The following GPC6 variants were observed in gnomAD, a reference collection of about 807,000 sequenced individuals.
GPC6 encodes glypican-6.
GPC6 carries 14 observed loss-of-function variants against 55.2 expected under a neutral mutation model. That is an observed-to-expected ratio of 0.25 (90% CI 0.17 to 0.40). The LOEUF is 0.40. GPC6 is among the 10% of genes least tolerant of loss of function. The pLI is 1.00. For synonymous variants in GPC6, 278 were observed against 259.6 expected (o/e 1.07, Z -0.68); for missense variants, 641 against 708.5 (o/e 0.90, Z 1.08).
At chr13:94,195,274 C>T (rs1008693283) in intron 4 of GPC6, among the ~76,000 whole-genome samples, 2 of 152,140 alleles carry the variant, frequency 1.3e-5, no homozygotes, top group Non-Finnish European at 2.9e-5. Flanking sequence ...TAAGACCTTT[C>T]CCCTTAACCA....
chr13:93,720,744 C>G (rs1290661873), intron 2 of GPC6, among the ~76,000 whole-genome samples: 1 of 151,892 alleles, frequency 6.6e-6, no homozygotes, highest in Non-Finnish European at 1.5e-5. Flanking sequence ...TAGCTGTGTC[C>G]CAAATATTCT....
chr13:93,910,077 GTGTC>G, intron 3 of GPC6, among the ~76,000 whole-genome samples: 1 of 152,162 alleles, frequency 6.6e-6, no homozygotes, highest in South Asian at 2.1e-4. Flanking sequence ...GTGTGTGTGT[GTGTC>G]TTTGTGGCTG....
At chr13:93,299,877 A>G (rs1878614649) in intron 1 of GPC6, among the ~76,000 whole-genome samples, 1 of 152,236 alleles carries the variant, frequency 6.6e-6, no homozygotes, top group African/African-American at 2.4e-5. Context: ...CTAAGCAGAT[A>G]TTGCATCATA....
chr13:94,126,479 A>C (rs1409514047), intron 4 of GPC6, among the ~76,000 whole-genome samples: 1 of 152,172 alleles, frequency 6.6e-6, no homozygotes, highest in African/African-American at 2.4e-5. Flanking sequence ...TAAAAAAGTG[A>C]ATATGAAAGT....
intron 4 of GPC6, among the ~76,000 whole-genome samples, chr13:94,076,942 GAT>G (rs1246638062): frequency 7.0e-6 from 1 of 143,420 alleles, no homozygotes; most frequent in Non-Finnish European, 1.5e-5. Flanking sequence ...TTTTCCTCAA[GAT>G]CACTCTGGTG....
At chr13:93,601,186 C>T (rs1878001467) in intron 2 of GPC6, among the ~76,000 whole-genome samples, 1 of 151,294 alleles carries the variant, frequency 6.6e-6, no homozygotes, top group Admixed American at 6.6e-5. Context: ...GTCAGGAGTT[C>T]GAGCCTGGCC....
chr13:93,939,760 C>A (rs1224784630), intron 3 of GPC6, among the ~76,000 whole-genome samples: 1 of 152,004 alleles, frequency 6.6e-6, no homozygotes, highest in Non-Finnish European at 1.5e-5. Flanking sequence ...ATAACACCAA[C>A]ATTTTAAGGG....
At chr13:93,830,040 AG>A (rs2138979647) in intron 2 of GPC6, 113 bp from the exon 3 acceptor site, 1 of 694,938 alleles carries the variant, frequency 1.4e-6, no homozygotes, top group East Asian at 2.6e-5. Flanking sequence ...CCTTAATCAC[AG>A]GATATGTTTT....
chr13:94,023,647 A>G (rs1273010286), intron 3 of GPC6, among the ~76,000 whole-genome samples: 1 of 152,096 alleles, frequency 6.6e-6, no homozygotes, highest in Non-Finnish European at 1.5e-5. Context: ...AGAAATGAAA[A>G]TGTATATTTC....
intron 4 of GPC6, among the ~76,000 whole-genome samples, chr13:94,227,476 T>G (rs1890594711): frequency 1.3e-5 from 2 of 152,226 alleles, no homozygotes; most frequent in African/African-American, 4.8e-5. Context: ...GACATTCACC[T>G]GGGTGCCAGG....
chr13:93,371,801 G>A (rs1392092823), intron 1 of GPC6, among the ~76,000 whole-genome samples: 1 of 151,776 alleles, frequency 6.6e-6, no homozygotes, highest in East Asian at 1.9e-4. Context: ...AAAGCTAATG[G>A]GCGCATCTCT....
At chr13:94,014,019 T>G (rs1882357165) in intron 3 of GPC6, among the ~76,000 whole-genome samples, 1 of 152,254 alleles carries the variant, frequency 6.6e-6, no homozygotes, top group Non-Finnish European at 1.5e-5. Context: ...TTTATCACTG[T>G]GGCATTATAA....
At chr13:93,324,734 G>A (rs1369678063) in intron 1 of GPC6, among the ~76,000 whole-genome samples, 1 of 151,858 alleles carries the variant, frequency 6.6e-6, no homozygotes, top group Non-Finnish European at 1.5e-5. Flanking sequence ...ATTGGAGGAT[G>A]TGGCTGTCTC....
chr13:93,677,945 C>A (rs1881706574), intron 2 of GPC6, among the ~76,000 whole-genome samples: 1 of 152,030 alleles, frequency 6.6e-6, no homozygotes, highest in Non-Finnish European at 1.5e-5. Flanking sequence ...TATATTGTAA[C>A]ATAATTTATC....
chr13:93,468,077 C>T (rs1261829800), intron 1 of GPC6, among the ~76,000 whole-genome samples: 6 of 152,086 alleles, frequency 3.9e-5, no homozygotes, highest in African/African-American at 1.4e-4. Context: ...ATCTTAATGG[C>T]CATTGTCCTG....
chr13:94,154,597 T>G (rs1887861076), intron 4 of GPC6, among the ~76,000 whole-genome samples: 1 of 152,172 alleles, frequency 6.6e-6, no homozygotes, highest in South Asian at 2.1e-4. Flanking sequence ...CTATCAGCCT[T>G]GGAATCAAAA....
chr13:93,339,202 C>G (rs1320639391), intron 1 of GPC6, among the ~76,000 whole-genome samples: 1 of 152,160 alleles, frequency 6.6e-6, no homozygotes. Flanking sequence ...TGTTCCTCCT[C>G]TATCTGATGG....
At chr13:93,965,106 GTTTTTTTTTTTTTTTT>G (rs5805837) in intron 3 of GPC6, among the ~76,000 whole-genome samples, 18 of 67,298 alleles carry the variant, frequency 2.7e-4, no homozygotes, top group African/African-American at 1.0e-3. Context: ...CTATGAGTTT[GTTTTTTTTTTTTTTTT>G]TTTTTTTTTT....
intron 2 of GPC6, among the ~76,000 whole-genome samples, chr13:93,620,113 A>G (rs1878886256): frequency 6.6e-6 from 1 of 152,188 alleles, no homozygotes; most frequent in African/African-American, 2.4e-5. Flanking sequence ...AATCTCATAC[A>G]TAGCCAGACT....
Sources: allele counts gnomAD v4.1 joint callset (sites outside exome capture counted in the v4.1 genomes callset), GRCh38; gene constraint gnomAD v4.1.1; transcripts MANE v1.5; gene names NCBI Gene and HGNC (gene_info 2026-07-23, HGNC 2026-07-21).